Variants in EEF1E1 observed in about 807,000 individuals in gnomAD.
EEF1E1 encodes eukaryotic translation elongation factor 1 epsilon-1.
EEF1E1 carries 19 observed loss-of-function variants against 19.9 expected under a neutral mutation model. The ratio of observed to expected loss-of-function variants is 0.95; its 90% CI spans 0.66 to 1.40. The LOEUF is 1.40. EEF1E1 is among the 40% of genes most tolerant of loss of function. The pLI is 0.00. For missense variants in EEF1E1, 198 were observed against 202.2 expected, an observed-to-expected ratio of 0.98 and a Z score of 0.13; for synonymous variants, 81 against 80.0, an observed-to-expected ratio of 1.01 and a Z score of -0.07.
intron 1 of EEF1E1, among the ~76,000 whole-genome samples, chr6:8,099,292 C>T (rs192467407): frequency 1.3e-5 from 2 of 152,296 alleles, no homozygotes; most frequent in Admixed American, 1.3e-4. Context: ...TGTACCTTTT[C>T]TATGTTTCAG....
rs112277597 is a variant in EEF1E1, at chr6:8,090,347, A to G, written c.289-66T>C. The G allele has an allele frequency of 1.4e-5, 16 of 1,154,714 alleles. No individual in the cohort carries two copies. The African/African-American group carries it at 2.1e-4, about 15-fold the overall frequency. The allele number at this position is 1,154,714 out of a possible 1,614,324, so 71.5% of individuals were successfully genotyped here. ...CAGTAATAATAAAGTTAATTATCAT[A>G]TCATGACTTAAAAGATTTAGGCTAC... is the stretch of plus-strand genomic sequence containing the variant. On this transcript the variant is annotated intron_variant, in intron 2 of 3. Coordinates refer to ENST00000379715, the MANE Select transcript of EEF1E1 (RefSeq NM_004280.5).
rs764408340 is a variant in EEF1E1, at chr6:8,090,266, G to C, written c.304C>G (p.Leu102Val). Residue 102 changes from leucine to valine, a missense_variant, in exon 3 of 4, where the codon CTT becomes GTT. By Grantham distance (32) the Leu-to-Val change is conservative. Transcript: ENST00000379715. Reference sequence around the variant, plus strand: ...CCTGTAAGGTAGACTTTATCTTCAAGATATGAATTAAGATCCTAGAAAAAA... The same window carrying C: ...CCTGTAAGGTAGACTTTATCTTCAACATATGAATTAAGATCCTAGAAAAAA... ...HTLLKDLNSY[L>V]EDKVYLTGYN... is the part of the protein sequence containing the mutation. The C allele has an allele frequency of 6.7e-7, 1 of 1,482,878 alleles. No homozygotes were observed. Among genetic ancestry groups the C allele is most frequent in the Admixed American group, 2.7e-5 (1 of 36,866 alleles). The allele number at this position is 1,482,878 out of a possible 1,614,324, so 91.9% of individuals were successfully genotyped here.
At chr6:8,099,791 C>CACACACA (rs768224090) in intron 1 of EEF1E1, among the ~76,000 whole-genome samples, 1 of 114,690 alleles carries the variant, frequency 8.7e-6, no homozygotes, top group Admixed American at 8.4e-5. Flanking sequence ...CACACACACA[C>CACACACA]AAAAAAAAAA....
intron 2 of EEF1E1, among the ~76,000 whole-genome samples, chr6:8,091,047 A>G (rs1467944309): frequency 2.0e-5 from 3 of 152,246 alleles, no homozygotes; most frequent in African/African-American, 7.2e-5. Flanking sequence ...ATATACTTAC[A>G]AGTACAATTG....
chr6:8,097,266 C>A lies in EEF1E1; in HGVS notation c.288+1G>T, dbSNP rs1758201200. 1 of 1,613,732 alleles carries A rather than the reference C, an allele frequency of 6.2e-7. No homozygotes were observed. Among genetic ancestry groups the A allele is most frequent in the Non-Finnish European group, 8.5e-7 (1 of 1,179,790 alleles). On this transcript the variant is annotated splice_donor_variant, in intron 2 of 3. Coordinates refer to ENST00000379715, the MANE Select transcript of EEF1E1 (RefSeq NM_004280.5). LOFTEE classifies it high-confidence loss of function. ...TCAGCCTATAAGAGAAGTCACGATA[C>A]CTTCAACAGTGTGTGGATGTCATTT...
intron 3 of EEF1E1, among the ~76,000 whole-genome samples, chr6:8,087,798 G>A (rs1023390645): frequency 7.2e-6 from 1 of 139,832 alleles, no homozygotes; most frequent in Non-Finnish European, 1.6e-5. Flanking sequence ...TGGATCACAG[G>A]AAAAGACACA....
intron 2 of EEF1E1, chr6:8,095,580 TA>T (rs1758150629): frequency 5.5e-6 from 1 of 182,462 alleles, no homozygotes; most frequent in African/African-American, 2.5e-5. Flanking sequence ...TTTTTTTTTT[TA>T]ATACATGCAC....
At chr6:8,087,291 C>T (rs955588948) in intron 3 of EEF1E1, among the ~76,000 whole-genome samples, 2 of 152,182 alleles carry the variant, frequency 1.3e-5, no homozygotes, top group African/African-American at 4.8e-5. Flanking sequence ...GATCTCTGCT[C>T]AGGGCAACCT....
chr6:8,098,543 G>A (rs1257448895), intron 1 of EEF1E1, among the ~76,000 whole-genome samples: 1 of 152,212 alleles, frequency 6.6e-6, no homozygotes, highest in African/African-American at 2.4e-5. Flanking sequence ...TCAAAGTAAG[G>A]AGGTAACTTC....
chr6:8,081,049 A>T (rs1209763349), intron 3 of EEF1E1, among the ~76,000 whole-genome samples: 1 of 152,260 alleles, frequency 6.6e-6, no homozygotes, highest in African/African-American at 2.4e-5. Flanking sequence ...TGCAGTAATT[A>T]TTACAGAATA....
chr6:8,074,762 T>G (rs926500006), downstream of EEF1E1, among the ~76,000 whole-genome samples: 3 of 152,224 alleles, frequency 2.0e-5, no homozygotes, highest in African/African-American at 7.2e-5. Context: ...GTCTTCATCT[T>G]TCGACCATCC....
rs1561883421 is a variant in EEF1E1 at position 8,087,028 on chromosome 6, G to A, written c.384+3158C>T. Among the ~76,000 whole-genome samples the A allele has an allele frequency of 2.6e-5, 4 of 152,186 alleles. No homozygotes were observed. In the South Asian group the frequency reaches 8.3e-4, roughly 32 times the overall value. ...TTAGGCGCCTGAGAGAGATGCAGCC[G>A]AGGAATGAGTGGGAACCGAGAGATA... is the stretch of plus-strand genomic sequence containing the variant. On this transcript the variant is annotated intron_variant, in intron 3 of 3. Coordinates refer to ENST00000379715, the MANE Select transcript of EEF1E1 (RefSeq NM_004280.5).
At chr6:8,085,859 G>T (rs1279731183) in intron 3 of EEF1E1, among the ~76,000 whole-genome samples, 6 of 152,280 alleles carry the variant, frequency 3.9e-5, no homozygotes, top group African/African-American at 1.4e-4. Context: ...TCTGACCAGA[G>T]ATTAGCACTG....
intron 3 of EEF1E1, among the ~76,000 whole-genome samples, chr6:8,073,872 T>C (rs1314582935): frequency 6.6e-6 from 1 of 152,264 alleles, no homozygotes; most frequent in Non-Finnish European, 1.5e-5. Flanking sequence ...GTGACAGAGA[T>C]AGCTGGTTGC....
chr6:8,076,835 C>G (rs1325833638), downstream of EEF1E1, among the ~76,000 whole-genome samples: 4 of 152,048 alleles, frequency 2.6e-5, no homozygotes, highest in South Asian at 4.1e-4. Context: ...TCTCAACAGT[C>G]GGCTTCAGTA....
At chr6:8,077,002 G>A (rs1245387152), downstream of EEF1E1, among the ~76,000 whole-genome samples, 1 of 148,808 alleles carries the variant, frequency 6.7e-6, no homozygotes, top group Non-Finnish European at 1.5e-5. Flanking sequence ...GAGTGCAGTG[G>A]CAGCGATCTC....
intron 1 of EEF1E1, among the ~76,000 whole-genome samples, chr6:8,100,078 T>C (rs920719481): frequency 3.9e-5 from 6 of 152,160 alleles, no homozygotes; most frequent in Non-Finnish European, 5.9e-5. Context: ...CCTTTCCCCA[T>C]ACAAGTAAAC....
chr6:8,100,717 A>G (rs981519833), intron 1 of EEF1E1, among the ~76,000 whole-genome samples: 6 of 151,244 alleles, frequency 4.0e-5, no homozygotes, highest in African/African-American at 9.7e-5. Context: ...TGCCTGTTGC[A>G]CTCTTGCAAC....
At position 8,090,224 on chromosome 6, in the gene EEF1E1, C is replaced by A; in HGVS notation, c.346G>T (p.Ala116Ser). ...VYLTGYNFTLADILLYYGLHR... is the reference protein window; with the variant it reads ...VYLTGYNFTLSDILLYYGLHR... ...AGTCCATAGTACAATAGTATATCTGCTAATGTAAAGTTATACCCTGTAAGG... is the reference window on the plus strand; with the variant it reads ...AGTCCATAGTACAATAGTATATCTGATAATGTAAAGTTATACCCTGTAAGG... The change falls in exon 3 of 4, where the codon GCA (alanine) becomes TCA (serine). Residue 116 changes from alanine (A) to serine (S), a missense_variant. Ala to Ser is a moderately conservative substitution (Grantham distance 99). Transcript: ENST00000379715. 1.3e-6 allele frequency: 2 copies of A among 1,522,170 alleles called. No individual in the cohort carries two copies. The highest frequency in any genetic ancestry group is 1.4e-5 in the South Asian group (1 of 74,068). The allele number at this position is 1,522,170 out of a possible 1,614,324, so 94.3% of individuals were successfully genotyped here.
Sources: gnomAD v4.1 joint callset for allele counts (sites outside exome capture counted in the v4.1 genomes callset) on GRCh38, gnomAD v4.1.1 for gene constraint, MANE v1.5 for transcripts, NCBI Gene and HGNC (gene_info 2026-07-23, HGNC 2026-07-21) for gene names.